Variants in CADPS observed in about 807,000 individuals in gnomAD.
The protein encoded by CADPS is calcium dependent secretion activator.
Under a neutral mutation model 167.3 loss-of-function variants are expected in CADPS, and 57 were observed. The ratio of observed to expected loss-of-function variants is 0.34; its 90% CI spans 0.28 to 0.42. The LOEUF is 0.42. CADPS is among the 20% of genes least tolerant of loss of function. The probability of loss-of-function intolerance (pLI) is 1.00; values close to 1 mark genes in which losing one functional copy is unlikely to be tolerated. For missense variants in CADPS, 1,414 were observed against 1,738.1 expected, an observed-to-expected ratio of 0.81 and a Z score of 3.32; for synonymous variants, 676 against 635.3, an observed-to-expected ratio of 1.06 and a Z score of -0.96.
chr3:62,649,501 C>G (rs1392025497), intron 5 of CADPS, among the ~76,000 whole-genome samples: 1 of 141,430 alleles, frequency 7.1e-6, no homozygotes, highest in African/African-American at 2.6e-5. Flanking sequence ...GTAGATTTGC[C>G]TTTCGGACCT....
rs570558507 is a variant in CADPS at position 62,738,714 on chromosome 3, G to A, written c.888+14727C>T. ...GCACTCTAGCCTGGGCAACAAGAGTGAAACTCCGTCTCAAAAAATAAAATA... is the reference window on the plus strand; with the variant it reads ...GCACTCTAGCCTGGGCAACAAGAGTAAAACTCCGTCTCAAAAAATAAAATA... On this transcript the variant is annotated intron_variant, in intron 3 of 29. Transcript: ENST00000383710. 9.2e-5 allele frequency among the ~76,000 whole-genome samples: 14 copies of A among 152,188 alleles called. No homozygotes were observed. The South Asian group carries it at 2.1e-3, about 23-fold the overall frequency.
chr3:62,656,068 T>C (rs1208171188), intron 4 of CADPS, among the ~76,000 whole-genome samples: 1 of 152,152 alleles, frequency 6.6e-6, no homozygotes, highest in Non-Finnish European at 1.5e-5. Flanking sequence ...CCCATCTGAA[T>C]TTTGGTTCCC....
At chr3:62,548,391 G>A (rs1002188840) in intron 11 of CADPS, among the ~76,000 whole-genome samples, 1 of 152,092 alleles carries the variant, frequency 6.6e-6, no homozygotes, top group African/African-American at 2.4e-5. Flanking sequence ...ATTCTTTCAT[G>A]ATTTTCTGTG....
chr3:62,677,404 G>T (rs997101255), intron 3 of CADPS, among the ~76,000 whole-genome samples: 1 of 152,072 alleles, frequency 6.6e-6, no homozygotes, highest in African/African-American at 2.4e-5. Context: ...ATCTCTATAA[G>T]TTCTCAGTAG....
At chr3:62,474,151 G>GTCTTTTTTT in intron 24 of CADPS, 22 bp downstream of exon 24, 1 of 496,850 alleles carries the variant, frequency 2.0e-6, no homozygotes, top group Non-Finnish European at 2.7e-6. Flanking sequence ...AAAAAAATCT[G>GTCTTTTTTT]TATTTTTTTT....
intron 1 of CADPS, among the ~76,000 whole-genome samples, chr3:62,787,019 C>T (rs1197560790): frequency 6.6e-6 from 1 of 152,000 alleles, no homozygotes; most frequent in Non-Finnish European, 1.5e-5. Flanking sequence ...TCAAGCCGGG[C>T]ATAGTGGCTC....
At chr3:62,618,156 C>A (rs182548313) in intron 6 of CADPS, among the ~76,000 whole-genome samples, 35 of 152,262 alleles carry the variant, frequency 2.3e-4, no homozygotes, top group Middle Eastern at 6.8e-3. Flanking sequence ...TACTCCACTG[C>A]AGAATGCAAG....
At chr3:62,705,584 T>G (rs976341664) in intron 3 of CADPS, among the ~76,000 whole-genome samples, 5 of 152,066 alleles carry the variant, frequency 3.3e-5, no homozygotes, top group African/African-American at 1.2e-4. Context: ...GCAGCCAGAA[T>G]AAAAGCAGGC....
At chr3:62,454,824 G>T (rs946359381) in intron 26 of CADPS, among the ~76,000 whole-genome samples, 2 of 152,044 alleles carry the variant, frequency 1.3e-5, no homozygotes, top group African/African-American at 4.8e-5. Flanking sequence ...CGGCTTCTGT[G>T]CATGTTCATA....
In CADPS at chr3:62,419,563, C is replaced by T. The variant is rs111261698; in HGVS notation, c.3778-16378G>A. On this transcript the variant is annotated intron_variant, in intron 28 of 29. Transcript: ENST00000383710. ...CCACCCATTATCCTTGTGAGCAGTG[C>T]GAATAATTTATCTGAAAACTATTCT... is the stretch of plus-strand genomic sequence containing the variant. Among the ~76,000 whole-genome samples the T allele has an allele frequency of 1.6e-4, 25 of 152,144 alleles. 1 individual carries two copies. The highest frequency in any genetic ancestry group is 5.9e-4 in the Admixed American group (9 of 15,276).
chr3:62,582,087 T>C (rs2083536180), intron 8 of CADPS, among the ~76,000 whole-genome samples: 1 of 152,226 alleles, frequency 6.6e-6, no homozygotes, highest in Non-Finnish European at 1.5e-5. Flanking sequence ...GATTCTTATG[T>C]TCCTTTTATG....
intron 1 of CADPS, among the ~76,000 whole-genome samples, chr3:62,842,339 A>T (rs751345872): frequency 1.2e-4 from 18 of 152,250 alleles, no homozygotes; most frequent in Non-Finnish European, 2.5e-4. Context: ...CATAGATGAT[A>T]AATGGTAGGG....
At position 62,424,924 on chromosome 3, in the gene CADPS, GA is replaced by G. The variant is rs576318464; in HGVS notation, c.3777+13179del. The stretch of plus-strand genomic sequence containing the variant: ...AATACCTATTTAACAAATGGTTATT[GA>G]AGGCTTACATATGCCGGACACTAGT... On this transcript the variant is annotated intron_variant, in intron 28 of 29. Transcript: ENST00000383710. Among the ~76,000 whole-genome samples the G allele has an allele frequency of 2.6e-5, 4 of 152,290 alleles. No homozygotes were observed. The South Asian group carries it at 8.3e-4, about 32-fold the overall frequency.
intron 3 of CADPS, among the ~76,000 whole-genome samples, chr3:62,669,486 GC>G (rs2075131679): frequency 6.6e-6 from 1 of 152,138 alleles, no homozygotes; most frequent in African/African-American, 2.4e-5. Flanking sequence ...TGTTTTTGCC[GC>G]ATTCAAGACC....
intron 28 of CADPS, 115 bp downstream of exon 28, chr3:62,437,989 C>G (rs778964406): frequency 2.9e-6 from 2 of 685,408 alleles, no homozygotes; most frequent in Non-Finnish European, 5.1e-6. Flanking sequence ...AAGATTTAGT[C>G]TGAATCAGAA....
intron 1 of CADPS, among the ~76,000 whole-genome samples, chr3:62,817,921 G>C (rs920301962): frequency 6.6e-6 from 1 of 152,096 alleles, no homozygotes; most frequent in Non-Finnish European, 1.5e-5. Flanking sequence ...AGAAAAACAG[G>C]ATGTGGTTTA....
At chr3:62,778,612 A>T (rs1172053943) in intron 1 of CADPS, among the ~76,000 whole-genome samples, 2 of 152,200 alleles carry the variant, frequency 1.3e-5, no homozygotes, top group African/African-American at 4.8e-5. Context: ...TTGCATCAGC[A>T]TTACCCATGA....
intron 1 of CADPS, among the ~76,000 whole-genome samples, chr3:62,808,189 A>G (rs996229246): frequency 1.3e-5 from 2 of 152,122 alleles, no homozygotes; most frequent in African/African-American, 4.8e-5. Flanking sequence ...TGATATTTCT[A>G]AACGCTGAAT....
At chr3:62,834,738 T>A (rs1362578650) in intron 1 of CADPS, among the ~76,000 whole-genome samples, 1 of 152,198 alleles carries the variant, frequency 6.6e-6, no homozygotes, top group African/African-American at 2.4e-5. Context: ...TTTTATTTGC[T>A]CCTCCTTTCT....
Sources: gnomAD v4.1 joint callset for allele counts (sites outside exome capture counted in the v4.1 genomes callset) on GRCh38, gnomAD v4.1.1 for gene constraint, MANE v1.5 for transcripts, NCBI Gene and HGNC (gene_info 2026-07-23, HGNC 2026-07-21) for gene names.